The following ANGPTL2 variants were observed in gnomAD, a reference collection of about 807,000 sequenced individuals.
ANGPTL2 encodes angiopoietin like 2, also known as angiopoietin-related protein 2.
A neutral mutation model predicts 52.8 loss-of-function variants in ANGPTL2; 25 were observed. The ratio of observed to expected loss-of-function variants is 0.47; its 90% CI spans 0.35 to 0.66. The LOEUF is 0.66. Ranked by LOEUF, ANGPTL2 falls within the 30% of genes least tolerant of loss-of-function variation. ANGPTL2 has a pLI of 0.01. For synonymous variants in ANGPTL2, 276 were observed against 277.4 expected (o/e 1.00, Z 0.05); for missense variants, 546 against 656.9 (o/e 0.83, Z 1.84).
intron 1 of ANGPTL2, among the ~76,000 whole-genome samples, chr9:127,111,209 C>T (rs756571498): frequency 2.0e-5 from 3 of 152,170 alleles, no homozygotes; most frequent in African/African-American, 7.2e-5. Context: ...CCCCCTTCTT[C>T]GTTGTTTGTT....
intron 4 of ANGPTL2, among the ~76,000 whole-genome samples, chr9:127,090,818 G>A (rs1183062407): frequency 6.6e-6 from 1 of 152,220 alleles, no homozygotes; most frequent in Admixed American, 6.5e-5. Flanking sequence ...AGACTGAGAG[G>A]CCTTCATCTC....
At chr9:127,092,405 C>T (rs986702872) in intron 3 of ANGPTL2, among the ~76,000 whole-genome samples, 2 of 152,118 alleles carry the variant, frequency 1.3e-5, no homozygotes, top group Non-Finnish European at 2.9e-5. Context: ...GTGTCCCATC[C>T]ACCGGCGCTC....
At chr9:127,112,536 T>C (rs1340698892) in intron 1 of ANGPTL2, among the ~76,000 whole-genome samples, 1 of 152,212 alleles carries the variant, frequency 6.6e-6, no homozygotes, top group Non-Finnish European at 1.5e-5. Flanking sequence ...ACCTCCAGAT[T>C]TGATTTGCAC....
At chr9:127,089,440 G>A (rs1458766547) in intron 4 of ANGPTL2, among the ~76,000 whole-genome samples, 1 of 152,216 alleles carries the variant, frequency 6.6e-6, no homozygotes, top group African/African-American at 2.4e-5. Context: ...TCTGAGGATT[G>A]AATGAGGATG....
rs142839305 is a variant in ANGPTL2, at chr9:127,108,312, C to T, written c.420G>A (p.Gln140=). The T allele has an allele frequency of 1.9e-6, 3 of 1,613,778 alleles. No homozygotes were observed. In the African/African-American group the frequency reaches 4.0e-5, roughly 22 times the overall value. ...MNSRVTQLYM[Q]LLHEIIRKRD... is the part of the protein sequence containing the mutation. Reference sequence around the variant, plus strand: ...GCTTGCGGATGATCTCGTGCAGGAGCTGCATGTAGAGCTGCGTGACCCGCG... The same window carrying T: ...GCTTGCGGATGATCTCGTGCAGGAGTTGCATGTAGAGCTGCGTGACCCGCG... The change falls in exon 2 of 5, where the codon CAG becomes CAA. Residue 140 remains glutamine (Q), a synonymous_variant. Transcript: ENST00000373425.
chr9:127,096,445 G>A (rs1157329643), intron 2 of ANGPTL2, among the ~76,000 whole-genome samples: 2 of 152,168 alleles, frequency 1.3e-5, no homozygotes, highest in African/African-American at 4.8e-5. Flanking sequence ...GCCTCTTACT[G>A]CACAGCTGCC....
intron 1 of ANGPTL2, among the ~76,000 whole-genome samples, chr9:127,114,218 T>C (rs191302569): frequency 4.7e-4 from 71 of 152,288 alleles, no homozygotes; most frequent in Admixed American, 9.1e-4. Flanking sequence ...AGTCTTTATG[T>C]TTTTTATATT....
At chr9:127,095,397 C>T (rs933685505) in intron 2 of ANGPTL2, among the ~76,000 whole-genome samples, 2 of 152,132 alleles carry the variant, frequency 1.3e-5, no homozygotes, top group Admixed American at 6.5e-5. Flanking sequence ...GACAAGACTC[C>T]GTCTCAAAAA....
intron 1 of ANGPTL2, among the ~76,000 whole-genome samples, chr9:127,119,949 A>G (rs2055871997): frequency 6.6e-6 from 1 of 152,250 alleles, no homozygotes; most frequent in Non-Finnish European, 1.5e-5. Context: ...GTGCTAGAGA[A>G]GCAAATACTT....
intron 2 of ANGPTL2, among the ~76,000 whole-genome samples, chr9:127,106,256 G>T (rs35688381): frequency 0.37 from 56,494 of 151,622 alleles, 12,280 homozygotes; most frequent in Non-Finnish European, 0.48. Context: ...GGTGCCCAAG[G>T]GCACGTTTTA....
chr9:127,106,053 T>TA (rs968890050), intron 2 of ANGPTL2, among the ~76,000 whole-genome samples: 1 of 152,178 alleles, frequency 6.6e-6, no homozygotes, highest in African/African-American at 2.4e-5. Context: ...AACCAAGGGG[T>TA]AGAGCATGGA....
intron 4 of ANGPTL2, among the ~76,000 whole-genome samples, chr9:127,090,223 C>T (rs1358118255): frequency 6.6e-6 from 1 of 152,200 alleles, no homozygotes; most frequent in African/African-American, 2.4e-5. Flanking sequence ...GGACAAGGAC[C>T]TTGCCAGCTA....
At chr9:127,119,388 GGACCCAGT>G (rs1435833101) in intron 1 of ANGPTL2, among the ~76,000 whole-genome samples, 1 of 152,176 alleles carries the variant, frequency 6.6e-6, no homozygotes, top group African/African-American at 2.4e-5. Context: ...CACTGGGCAG[GGACCCAGT>G]GACAGTCAGG....
intron 2 of ANGPTL2, among the ~76,000 whole-genome samples, chr9:127,098,873 G>A (rs2053437532): frequency 6.6e-6 from 1 of 152,246 alleles, no homozygotes; most frequent in Admixed American, 6.5e-5. Flanking sequence ...GTCTGGGGCA[G>A]ACCAGCATCA....
At chr9:127,107,795 G>T (rs537153945) in intron 2 of ANGPTL2, 120 bp downstream of exon 2, 29 of 1,035,826 alleles carry the variant, frequency 2.8e-5, no homozygotes, top group Non-Finnish European at 4.0e-5. Context: ...CTGGGGGATT[G>T]TGCATGTCTT....
In ANGPTL2 at chr9:127,108,383, C is replaced by A; in HGVS notation, c.349G>T (p.Val117Leu). 6.2e-7 allele frequency: 1 copy of A among 1,609,848 alleles called. No individual in the cohort carries two copies. The highest frequency in any genetic ancestry group is 8.5e-7 in the Non-Finnish European group (1 of 1,178,234). Residue 117 changes from valine (V) to leucine (L), a missense_variant, in exon 2 of 5, where the codon GTG (valine) becomes TTG (leucine). Val to Leu is a conservative substitution (Grantham distance 32). Transcript: ENST00000373425. ...TTGCGCAGCAGCTTCACCTCGCTCA[C>A]AATGCCGCCGTCCACCTCCACCAGC... ...QQLVEVDGGI[V>L]SEVKLLRKES...
At chr9:127,117,809 G>C (rs1446267170) in intron 1 of ANGPTL2, among the ~76,000 whole-genome samples, 3 of 152,258 alleles carry the variant, frequency 2.0e-5, no homozygotes, top group Non-Finnish European at 2.9e-5. Context: ...GGAGGTTGGA[G>C]TGGGACCACC....
chr9:127,119,820 A>C (rs1269366369), intron 1 of ANGPTL2, among the ~76,000 whole-genome samples: 4 of 151,994 alleles, frequency 2.6e-5, no homozygotes, highest in Non-Finnish European at 5.9e-5. Context: ...TTTTTTTGCC[A>C]AGCTCATGAA....
At chr9:127,097,366 T>A (rs2053247551) in intron 2 of ANGPTL2, among the ~76,000 whole-genome samples, 1 of 152,254 alleles carries the variant, frequency 6.6e-6, no homozygotes, top group Admixed American at 6.5e-5. Context: ...TTTCTGCTGT[T>A]ACAAAAAATG....
Sources: allele counts gnomAD v4.1 joint callset (sites outside exome capture counted in the v4.1 genomes callset), GRCh38; gene constraint gnomAD v4.1.1; transcripts MANE v1.5; gene names NCBI Gene and HGNC (gene_info 2026-07-23, HGNC 2026-07-21).